WASL: variants seen among roughly 807,000 people sequenced by gnomAD.
WASL encodes the protein WASP like actin nucleation promoting factor.
In WASL, 20 loss-of-function variants were observed where a neutral mutation model predicts 55.5. The ratio of observed to expected loss-of-function variants is 0.36; its 90% CI spans 0.25 to 0.52. The LOEUF is 0.52. Ranked by LOEUF, WASL falls within the 20% of genes least tolerant of loss-of-function variation. The pLI, the probability that WASL is intolerant of heterozygous loss-of-function variation, is 0.92. For synonymous variants in WASL, 249 were observed against 217.6 expected (o/e 1.14, Z -1.27); for missense variants, 504 against 622.5 (o/e 0.81, Z 2.03).
At chr7:123,737,752 C>T (rs1371933112) in intron 1 of WASL, among the ~76,000 whole-genome samples, 1 of 151,806 alleles carries the variant, frequency 6.6e-6, no homozygotes, top group African/African-American at 2.4e-5. Flanking sequence ...TTTAAATGTT[C>T]AAAATAAAAC....
At chr7:123,706,603 T>G in intron 3 of WASL, 137 bp downstream of exon 3, 1 of 791,496 alleles carries the variant, frequency 1.3e-6, no homozygotes, top group Non-Finnish European at 2.0e-6. Context: ...TATACTAATT[T>G]GAATATTTCA....
chr7:123,696,851 T>C (rs1803501403), intron 5 of WASL, 104 bp from the exon 6 acceptor site: 1 of 772,106 alleles, frequency 1.3e-6, no homozygotes, highest in Non-Finnish European at 1.8e-6. Context: ...GATCACTTCA[T>C]TATAAATTAT....
chr7:123,687,098 A>T (rs1478698280), intron 10 of WASL, among the ~76,000 whole-genome samples: 2 of 152,110 alleles, frequency 1.3e-5, no homozygotes, highest in Admixed American at 1.3e-4. Flanking sequence ...CAGTTGTTCA[A>T]GTCAAAAACC....
At position 123,683,433 on chromosome 7, in the gene WASL, C is replaced by G. The variant is rs1046047131; in HGVS notation, c.*1086G>C. The stretch of plus-strand genomic sequence containing the variant: ...CCAAGAACTCTGACATTGGGACCAC[C>G]AATCTTTTAAGAAAAATGTAACTCT... On this transcript the variant is annotated 3_prime_UTR_variant, in exon 11 of 11. Coordinates refer to ENST00000223023, the MANE Select transcript of WASL (RefSeq NM_003941.4). 6.6e-6 allele frequency: 1 copy of G among 151,580 alleles called. No homozygotes were observed. Among genetic ancestry groups the G allele is most frequent in the Non-Finnish European group, 1.5e-5 (1 of 67,858 alleles). 9.4% of individuals were successfully genotyped at this position (151,580 alleles called of 1,614,324 possible).
chr7:123,706,234 C>T, intron 4 of WASL, 43 bp downstream of exon 4: 2 of 1,557,378 alleles, frequency 1.3e-6, no homozygotes, highest in South Asian at 2.3e-5. Context: ...GCCCCATGAG[C>T]ATTAGTTTGC....
intron 10 of WASL, among the ~76,000 whole-genome samples, chr7:123,685,696 C>T (rs758123218): frequency 9.9e-5 from 15 of 151,742 alleles, no homozygotes; most frequent in Non-Finnish European, 1.2e-4. Context: ...AACAGCACTA[C>T]ACACCAGCCA....
At chr7:123,715,910 T>C (rs1584865904) in intron 1 of WASL, among the ~76,000 whole-genome samples, 1 of 152,214 alleles carries the variant, frequency 6.6e-6, no homozygotes, top group Non-Finnish European at 1.5e-5. Flanking sequence ...AGGATAATCA[T>C]ATACAGATAA....
rs1247578627 is a variant in WASL, at chr7:123,748,786, C to T, written c.-52G>A. 4.2e-6 allele frequency: 6 copies of T among 1,423,070 alleles called. No individual in the cohort carries two copies. The highest frequency in any genetic ancestry group is 5.6e-6 in the Non-Finnish European group (6 of 1,070,194). The allele number at this position is 1,423,070 out of a possible 1,614,324, so 88.2% of individuals were successfully genotyped here. A position where few individuals can be genotyped will look rare whatever the true frequency, so the allele number is the denominator to read the frequency against. Reference sequence around the variant, plus strand: ...AGGGCCGTCTCCTCCGGCGAGTGGGCGAGAGCTCGTTCCCCCTCTCGGTGA... The same window carrying T: ...AGGGCCGTCTCCTCCGGCGAGTGGGTGAGAGCTCGTTCCCCCTCTCGGTGA... On this transcript the variant is annotated 5_prime_UTR_variant, in exon 1 of 11. Coordinates refer to ENST00000223023, the MANE Select transcript of WASL (RefSeq NM_003941.4).
At chr7:123,710,060 C>T (rs1001917576) in intron 1 of WASL, among the ~76,000 whole-genome samples, 1 of 152,056 alleles carries the variant, frequency 6.6e-6, no homozygotes, top group African/African-American at 2.4e-5. Context: ...AAGACTATAT[C>T]ATGAAAAGGT....
chr7:123,726,409 A>G (rs1344707843), intron 1 of WASL, among the ~76,000 whole-genome samples: 2 of 152,224 alleles, frequency 1.3e-5, no homozygotes, highest in African/African-American at 4.8e-5. Context: ...TCAAGTTAGA[A>G]TCACAAAGCT....
chr7:123,733,857 T>C (rs1341135852), intron 1 of WASL, among the ~76,000 whole-genome samples: 1 of 102,744 alleles, frequency 9.7e-6, no homozygotes, highest in Admixed American at 1.2e-4. Context: ...GGCAATCCAA[T>C]AAAGAACTGA....
chr7:123,737,548 T>C (rs1475326947), intron 1 of WASL, among the ~76,000 whole-genome samples: 2 of 131,766 alleles, frequency 1.5e-5, no homozygotes, highest in African/African-American at 2.9e-5. Context: ...TGAGCAGAGA[T>C]AGCGCCACTG....
chr7:123,719,699 A>G (rs1803904871), intron 1 of WASL, among the ~76,000 whole-genome samples: 1 of 152,202 alleles, frequency 6.6e-6, no homozygotes, highest in Non-Finnish European at 1.5e-5. Context: ...TAAAATCTCC[A>G]GCAAGCCTTT....
At chr7:123,731,000 T>G (rs1242144637) in intron 1 of WASL, among the ~76,000 whole-genome samples, 3 of 152,100 alleles carry the variant, frequency 2.0e-5, no homozygotes, top group Non-Finnish European at 4.4e-5. Context: ...CTTGTGTCCA[T>G]GTGTACTCAA....
rs920271828 is a variant in WASL at position 123,683,930 on chromosome 7, T to C, written c.*589A>G. The C allele has an allele frequency of 6.6e-6, 1 of 152,026 alleles. No homozygotes were observed. Among genetic ancestry groups the C allele is most frequent in the African/African-American group, 2.4e-5 (1 of 41,422 alleles). The allele number at this position is 152,026 out of a possible 1,614,324, so 9.4% of individuals were successfully genotyped here. ...ATTACTGTAAGAGGTGTGTTAATCG[T>C]CTTCCCCACTAGTATCTCTGTAGTG... On this transcript the variant is annotated 3_prime_UTR_variant, in exon 11 of 11. Transcript: ENST00000223023.
At position 123,733,417 on chromosome 7, in the gene WASL, C is replaced by CA. The variant is rs369755818; in HGVS notation, c.117+15200dup. Among the ~76,000 whole-genome samples, 981 of 151,594 alleles carry CA rather than the reference C, an allele frequency of 6.5e-3. 8 individuals carry two copies. The highest frequency in any genetic ancestry group is 0.022 in the African/African-American group (892 of 41,360). ...AACACAGCACCACCTATATTAGTAC[C>CA]AAAAAAAATCTCTGTATAAATCTAA... is the stretch of plus-strand genomic sequence containing the variant. On this transcript the variant is annotated intron_variant, in intron 1 of 10. Transcript: ENST00000223023.
At chr7:123,697,835 T>C (rs1294338185) in intron 5 of WASL, among the ~76,000 whole-genome samples, 1 of 152,230 alleles carries the variant, frequency 6.6e-6, no homozygotes, top group Non-Finnish European at 1.5e-5. Flanking sequence ...GTGCTAACAA[T>C]GCAGTTTATG....
In WASL at chr7:123,682,004, C is replaced by T. The variant is rs1803204904; in HGVS notation, c.*2515G>A. ...GATGAATTGCCACCAGTGCAACATC[C>T]TATTCACTATACATTTCAAAAAAAG... On this transcript the variant is annotated 3_prime_UTR_variant, in exon 11 of 11. Transcript: ENST00000223023. The T allele has an allele frequency of 6.6e-6, 1 of 152,072 alleles. No individual in the cohort carries two copies. The highest frequency in any genetic ancestry group is 1.5e-5 in the Non-Finnish European group (1 of 68,008). The allele number at this position is 152,072 out of a possible 1,614,324, so 9.4% of individuals were successfully genotyped here.
At chr7:123,736,625 A>T (rs1804235633) in intron 1 of WASL, among the ~76,000 whole-genome samples, 1 of 152,206 alleles carries the variant, frequency 6.6e-6, no homozygotes, top group Non-Finnish European at 1.5e-5. Flanking sequence ...CTGAAACACC[A>T]TTATGTGATA....
Sources: allele counts gnomAD v4.1 joint callset (sites outside exome capture counted in the v4.1 genomes callset), GRCh38; gene constraint gnomAD v4.1.1; transcripts MANE v1.5; gene names NCBI Gene and HGNC (gene_info 2026-07-23, HGNC 2026-07-21).